DOP1B: variants seen among roughly 807,000 people sequenced by gnomAD.
DOP1B encodes protein DOP1B.
In DOP1B, 174 loss-of-function variants were observed where a neutral mutation model predicts 233.5. That is an observed-to-expected ratio of 0.75 (90% CI 0.66 to 0.85). DOP1B has a LOEUF of 0.85. DOP1B is among the 40% of genes least tolerant of loss of function. The pLI, the probability that DOP1B is intolerant of heterozygous loss-of-function variation, is 0.00. For synonymous variants in DOP1B, 1,190 were observed against 1,185.6 expected (o/e 1.00, Z -0.08); for missense variants, 2,652 against 2,846.6 (o/e 0.93, Z 1.56).
intron 13 of DOP1B, among the ~76,000 whole-genome samples, chr21:36,228,105 G>T (rs1293697207): frequency 2.6e-5 from 4 of 152,100 alleles, no homozygotes; most frequent in Admixed American, 1.3e-4. Flanking sequence ...GGGGCAGGAG[G>T]ATTGCTTGAG....
chr21:36,239,717 G>A (rs534318572), intron 17 of DOP1B, 48 bp from the exon 18 acceptor site: 68 of 1,485,406 alleles, frequency 4.6e-5, no homozygotes, highest in South Asian at 2.0e-4. Context: ...GGTGCCTGGC[G>A]CACAGGGGTG....
chr21:36,263,434 G>A, intron 24 of DOP1B, 112 bp from the exon 25 acceptor site: 1 of 830,688 alleles, frequency 1.2e-6, no homozygotes, highest in Non-Finnish European at 1.9e-6. Flanking sequence ...GGTCAGTGAG[G>A]TATGCTGTTT....
rs754726559 is a variant in DOP1B, at chr21:36,247,624, A to G, written c.4805A>G (p.Lys1602Arg). The G allele has an allele frequency of 6.5e-7, 1 of 1,550,276 alleles. No homozygotes were observed. Among genetic ancestry groups the G allele is most frequent in the Non-Finnish European group, 8.6e-7 (1 of 1,164,400 alleles). The stretch of plus-strand genomic sequence containing the variant: ...CTTTTGGAACAAGCCAACCAAAACA[A>G]AAAGGTAAATTTTTTTTTTTCCTGA... ...FCLLEQANQN[K>R]KTMAAGDPAN... The change falls in exon 20 of 37, where the codon AAA becomes AGA. Residue 1602 changes from lysine to arginine, a missense_variant. Physicochemically the swap from Lys to Arg is conservative, Grantham distance 26. This residue lies in a region of DOP1B where 2,617 missense variants were observed against 2,794.3 expected (regional missense o/e 0.94). Coordinates refer to ENST00000691173, the MANE Select transcript of DOP1B (RefSeq NM_001320714.2).
chr21:36,168,389 G>A (rs1357492355), intron 2 of DOP1B, among the ~76,000 whole-genome samples: 1 of 152,042 alleles, frequency 6.6e-6, no homozygotes, highest in Admixed American at 6.6e-5. Flanking sequence ...CTTAGGAGGG[G>A]CATTGCTGGG....
At chr21:36,184,685 C>T (rs1284236385) in intron 2 of DOP1B, among the ~76,000 whole-genome samples, 1 of 152,218 alleles carries the variant, frequency 6.6e-6, no homozygotes, top group Non-Finnish European at 1.5e-5. Flanking sequence ...GCTCTGCGTT[C>T]CCCTCCTTGG....
chr21:36,271,294 TTCACCCA>T (rs1569063914), intron 27 of DOP1B, among the ~76,000 whole-genome samples: 1,881 of 130,974 alleles, frequency 0.014, 31 homozygotes, highest in Middle Eastern at 0.056. Flanking sequence ...CAGGTTGGAG[TTCACCCA>T]GGTTGGAGTT....
intron 9 of DOP1B, among the ~76,000 whole-genome samples, chr21:36,217,093 A>AAG (rs1569027389): frequency 2.7e-5 from 4 of 148,384 alleles, no homozygotes; most frequent in African/African-American, 7.5e-5. Flanking sequence ...AAAAAAAAAA[A>AAG]AGAGAGCTGA....
chr21:36,195,741 C>A (rs1292663534), intron 2 of DOP1B, among the ~76,000 whole-genome samples: 1 of 152,172 alleles, frequency 6.6e-6, no homozygotes, highest in Non-Finnish European at 1.5e-5. Flanking sequence ...CAATTGCGTT[C>A]ATATGAAAAG....
chr21:36,264,434 G>A (rs1032984509), intron 26 of DOP1B, among the ~76,000 whole-genome samples: 2 of 151,776 alleles, frequency 1.3e-5, no homozygotes, highest in Admixed American at 1.3e-4. Context: ...AAAAAAGGAA[G>A]CTATCTCCAT....
chr21:36,237,435 C>T (rs774952356), intron 16 of DOP1B, 21 bp downstream of exon 16: 1 of 1,612,958 alleles, frequency 6.2e-7, no homozygotes, highest in East Asian at 2.2e-5. Context: ...CTGGCCGCCA[C>T]CTCCATCCTG....
Position 36,214,071 on chromosome 21 carries a change from T to A in DOP1B, c.905-10T>A. The stretch of plus-strand genomic sequence containing the variant: ...GCTCTCTTTACAGCTCGGCGCTTGT[T>A]CTTTTGTAGGCTCAGACATAAAAGG... On this transcript the variant is annotated splice_polypyrimidine_tract_variant and intron_variant, in intron 7 of 36. Coordinates refer to ENST00000691173, the MANE Select transcript of DOP1B (RefSeq NM_001320714.2). 6.2e-7 allele frequency: 1 copy of A among 1,603,982 alleles called. No homozygotes were observed. The highest frequency in any genetic ancestry group is 8.5e-7 in the Non-Finnish European group (1 of 1,173,722).
rs148107750 is a variant in DOP1B at position 36,289,097 on chromosome 21, C to T, written c.6406C>T (p.Pro2136Ser). ...AGTTTCAGTCCCGGATGCAAATGGACCCTCAGTGGGGGAGATACCCCAGAG... is the reference window on the plus strand; with the variant it reads ...AGTTTCAGTCCCGGATGCAAATGGATCCTCAGTGGGGGAGATACCCCAGAG... The part of the protein sequence containing the change: ...TKVSVPDANG[P>S]SVGEIPQSEL... The change falls in exon 35 of 37, where the codon CCC becomes TCC. Residue 2136 changes from proline to serine, a missense_variant. Physicochemically the swap from Pro to Ser is moderately conservative, Grantham distance 74. This residue lies in a region of DOP1B where 2,617 missense variants were observed against 2,794.3 expected (regional missense o/e 0.94). Transcript: ENST00000691173. The T allele has an allele frequency of 6.2e-7, 1 of 1,613,748 alleles. No homozygotes were observed. Among genetic ancestry groups the T allele is most frequent in the Non-Finnish European group, 8.5e-7 (1 of 1,179,970 alleles).
At chr21:36,249,321 A>G (rs1156735198) in intron 21 of DOP1B, among the ~76,000 whole-genome samples, 2 of 152,124 alleles carry the variant, frequency 1.3e-5, no homozygotes, top group African/African-American at 4.8e-5. Context: ...CGAGCTACTC[A>G]GGAGGCCGAG....
chr21:36,181,957 T>C (rs1425436374), intron 2 of DOP1B, among the ~76,000 whole-genome samples: 1 of 152,244 alleles, frequency 6.6e-6, no homozygotes, highest in Admixed American at 6.5e-5. Context: ...TATCTTTATA[T>C]GGCAAGAAAG....
rs756171247 is a variant in DOP1B, at chr21:36,248,256, T to G, written c.4810-124T>G. 3.9e-5 allele frequency: 35 copies of G among 893,150 alleles called. 1 individual carries two copies. The highest frequency in any genetic ancestry group is 6.0e-5 in the Non-Finnish European group (35 of 587,332). The allele number at this position is 893,150 out of a possible 1,614,324, so 55.3% of individuals were successfully genotyped here. A position where few individuals can be genotyped will look rare whatever the true frequency, so the allele number is the denominator to read the frequency against. ...AGCTTATTGCTCCCAGACCACCACA[T>G]GTATGAGTTGCTTAGAAGAGAGTCC... On this transcript the variant is annotated intron_variant, in intron 20 of 36. Coordinates refer to ENST00000691173, the MANE Select transcript of DOP1B (RefSeq NM_001320714.2).
intron 15 of DOP1B, among the ~76,000 whole-genome samples, chr21:36,233,503 G>T (rs2066791075): frequency 6.6e-6 from 1 of 152,176 alleles, no homozygotes; most frequent in Non-Finnish European, 1.5e-5. Context: ...CCTTTTGCTT[G>T]GCCACATGCA....
At chr21:36,272,984 C>CAAAAAAAA (rs1167312513) in intron 27 of DOP1B, among the ~76,000 whole-genome samples, 1 of 56,932 alleles carries the variant, frequency 1.8e-5, no homozygotes, top group Non-Finnish European at 3.0e-5. Context: ...AACTCCATCT[C>CAAAAAAAA]AAAAAAAAAA....
chr21:36,252,049 C>T (rs2067037680), intron 22 of DOP1B, among the ~76,000 whole-genome samples: 1 of 151,916 alleles, frequency 6.6e-6, no homozygotes, highest in Non-Finnish European at 1.5e-5. Context: ...TGGTGTTGTG[C>T]ACCTATAGTC....
chr21:36,174,154 C>T lies in DOP1B; in HGVS notation c.138+9283C>T, dbSNP rs555350155. On this transcript the variant is annotated intron_variant, in intron 2 of 36. Coordinates refer to ENST00000691173, the MANE Select transcript of DOP1B (RefSeq NM_001320714.2). ...AGCTTGGAGACCTAGTGAACTACTC[C>T]AGCCCTTTACAGATCGGCTGCAAGA... Among the ~76,000 whole-genome samples the T allele has an allele frequency of 9.2e-5, 14 of 152,284 alleles. No homozygotes were observed. In the East Asian group the frequency reaches 2.1e-3, roughly 23 times the overall value.
Sources: allele counts gnomAD v4.1 joint callset (sites outside exome capture counted in the v4.1 genomes callset), GRCh38; gene constraint gnomAD v4.1.1; regional missense constraint gnomAD v4.1.1; transcripts MANE v1.5; gene names NCBI Gene and HGNC (gene_info 2026-07-23, HGNC 2026-07-21).